The following MANBA variants were observed in gnomAD, a reference collection of about 807,000 sequenced individuals.
MANBA encodes beta-mannosidase.
A neutral mutation model predicts 111.1 loss-of-function variants in MANBA; 83 were observed. The ratio of observed to expected loss-of-function variants is 0.75; its 90% confidence interval spans 0.63 to 0.90. The LOEUF (loss-of-function observed/expected upper bound fraction) is 0.90, where lower values mean the gene tolerates loss of function less well. Ranked by LOEUF, MANBA falls within the 40% of genes least tolerant of loss-of-function variation. MANBA has a pLI of 0.00. For synonymous variants in MANBA, 370 were observed against 378.7 expected, an observed-to-expected ratio of 0.98 and a Z score of 0.27; for missense variants, 1,036 against 1,069.0, an observed-to-expected ratio of 0.97 and a Z score of 0.43.
chr4:102,760,782 A>T lies in MANBA; in HGVS notation c.113T>A (p.Leu38Gln), dbSNP rs1270503700. The T allele has an allele frequency of 6.4e-7, 1 of 1,552,324 alleles. No homozygotes were observed. The highest frequency in any genetic ancestry group is 2.0e-5 in the Admixed American group (1 of 51,258). ...GCCAGGGACCGCCCCGGGCAGCTCC[A>T]GCGAGCCGTTCCCATTGCAGATGCT... ...NWSICNGNGSLELPGAVPGCV... is the reference protein window; with the variant it reads ...NWSICNGNGSQELPGAVPGCV... Residue 38 changes from leucine (L) to glutamine (Q), a missense_variant, in exon 1 of 17, where the codon CTG becomes CAG. Coordinates refer to ENST00000647097, the MANE Select transcript of MANBA (RefSeq NM_005908.4).
intron 5 of MANBA, among the ~76,000 whole-genome samples, chr4:102,698,966 A>G (rs1200982864): frequency 1.3e-5 from 2 of 152,112 alleles, no homozygotes; most frequent in East Asian, 1.9e-4. Flanking sequence ...CATTTTCACA[A>G]TATTGATTCT....
At chr4:102,703,106 T>G (rs1338497751) in intron 5 of MANBA, among the ~76,000 whole-genome samples, 1 of 152,180 alleles carries the variant, frequency 6.6e-6, no homozygotes, top group Non-Finnish European at 1.5e-5. Flanking sequence ...AGATAGCTAC[T>G]GTTTGCATTA....
chr4:102,740,129 G>C (rs575283165), intron 1 of MANBA, among the ~76,000 whole-genome samples: 2 of 152,230 alleles, frequency 1.3e-5, no homozygotes, highest in East Asian at 3.9e-4. Flanking sequence ...CAAATCAGTA[G>C]CACTCCTATA....
chr4:102,730,187 G>C (rs971739046), intron 1 of MANBA: 14 of 803,212 alleles, frequency 1.7e-5, no homozygotes, highest in Middle Eastern at 2.4e-4. Context: ...AGGCAGGAGT[G>C]GGGGCAGGAA....
chr4:102,646,221 A>T (rs1033291630), intron 13 of MANBA, among the ~76,000 whole-genome samples: 5 of 152,120 alleles, frequency 3.3e-5, no homozygotes, highest in African/African-American at 4.8e-5. Flanking sequence ...TGATGCCTAT[A>T]CAAACTCCTA....
Position 102,726,584 on chromosome 4 carries a change from C to T in MANBA, c.272+5G>A. ...TAATAAAAATACACCCACAAACATA[C>T]ATACCTAATTTCAAAGGGGATTTTA... On this transcript the variant is annotated splice_donor_5th_base_variant and intron_variant, in intron 2 of 16. Transcript: ENST00000647097. 1 of 1,420,004 alleles carries T rather than the reference C, an allele frequency of 7.0e-7. No homozygotes were observed. Among genetic ancestry groups the T allele is most frequent in the Non-Finnish European group, 9.9e-7 (1 of 1,005,680 alleles). The allele number at this position is 1,420,004 out of a possible 1,614,324, so 88.0% of individuals were successfully genotyped here.
intron 1 of MANBA, among the ~76,000 whole-genome samples, chr4:102,756,966 A>G (rs1365498682): frequency 6.6e-6 from 1 of 152,224 alleles, no homozygotes; most frequent in Non-Finnish European, 1.5e-5. Context: ...GCCTCCCACA[A>G]AATAGGAACT....
intron 5 of MANBA, among the ~76,000 whole-genome samples, chr4:102,714,068 C>T (rs1169670566): frequency 3.3e-5 from 5 of 152,176 alleles, no homozygotes; most frequent in Admixed American, 1.3e-4. Context: ...GCCAGTCTAA[C>T]GGTGTGAGCA....
chr4:102,727,843 A>G lies in MANBA; in HGVS notation c.178-1160T>C, dbSNP rs532130036. On this transcript the variant is annotated intron_variant, in intron 1 of 16. Transcript: ENST00000647097. The stretch of plus-strand genomic sequence containing the variant: ...CTTCCGGAAAAGGATTTTCCTGAAG[A>G]CTCAGGTCTCCTAAAGATGAAAAAG... The G allele has an allele frequency of 4.0e-5, 24 of 605,268 alleles. No individual in the cohort carries two copies. In the African/African-American group the frequency reaches 4.2e-4, roughly 11 times the overall value. The allele number at this position is 605,268 out of a possible 1,614,324, so 37.5% of individuals were successfully genotyped here.
At chr4:102,718,939 G>C (rs1722457204) in intron 4 of MANBA, among the ~76,000 whole-genome samples, 3 of 152,160 alleles carry the variant, frequency 2.0e-5, no homozygotes, top group Admixed American at 2.0e-4. Context: ...ATGCTTCAAA[G>C]GGCAATAAAG....
At chr4:102,642,593 C>CG (rs35695902) in intron 13 of MANBA, among the ~76,000 whole-genome samples, 4,628 of 152,080 alleles carry the variant, frequency 0.03, 245 homozygotes, top group African/African-American at 0.11. Context: ...GACAACAGAG[C>CG]GAGACTCTGT....
intron 4 of MANBA, among the ~76,000 whole-genome samples, chr4:102,716,738 T>C (rs949771234): frequency 6.6e-6 from 1 of 152,208 alleles, no homozygotes; most frequent in Non-Finnish European, 1.5e-5. Context: ...GTTTGGGTCA[T>C]ACATTTTATG....
Position 102,690,668 on chromosome 4 carries a change from T to C in MANBA, c.777A>G (p.Gln259=). The C allele has an allele frequency of 6.2e-7, 1 of 1,612,222 alleles. No individual in the cohort carries two copies. The highest frequency in any genetic ancestry group is 8.5e-7 in the Non-Finnish European group (1 of 1,178,648). The change falls in exon 6 of 17, where the codon CAA becomes CAG. Residue 259 remains glutamine (Q), a synonymous_variant. Coordinates refer to ENST00000647097, the MANE Select transcript of MANBA (RefSeq NM_005908.4). ...GQVIVAIPKL[Q]TQQTYSIELQ... is the part of the protein sequence containing the mutation. Reference sequence around the variant, plus strand: ...GTTCAATGCTGTATGTCTGTTGTGTTTGCAACTTAGGGATGGCTACGATCA... The same window carrying C: ...GTTCAATGCTGTATGTCTGTTGTGTCTGCAACTTAGGGATGGCTACGATCA...
chr4:102,724,325 A>C (rs1722700834), intron 2 of MANBA, among the ~76,000 whole-genome samples: 1 of 152,252 alleles, frequency 6.6e-6, no homozygotes, highest in African/African-American at 2.4e-5. Flanking sequence ...TGGGAAGCCT[A>C]GGCAGGCAGA....
intron 5 of MANBA, among the ~76,000 whole-genome samples, chr4:102,693,454 G>GTC (rs1178777379): frequency 2.0e-5 from 3 of 152,180 alleles, no homozygotes; most frequent in East Asian, 1.9e-4. Context: ...ACAGATATCC[G>GTC]TCTCTCTCTC....
At chr4:102,678,915 T>C (rs1327416859) in intron 7 of MANBA, among the ~76,000 whole-genome samples, 1 of 152,218 alleles carries the variant, frequency 6.6e-6, no homozygotes, top group Non-Finnish European at 1.5e-5. Flanking sequence ...GCTGTTTGTA[T>C]CAGATACTTA....
At chr4:102,690,449 T>A in intron 6 of MANBA, 147 bp downstream of exon 6, 1 of 684,882 alleles carries the variant, frequency 1.5e-6, no homozygotes, top group Non-Finnish European at 2.5e-6. Context: ...ACAGAAAATA[T>A]ATGAGAGACT....
chr4:102,712,037 A>G (rs1342692258), intron 5 of MANBA, among the ~76,000 whole-genome samples: 2 of 152,250 alleles, frequency 1.3e-5, no homozygotes, highest in Non-Finnish European at 2.9e-5. Flanking sequence ...CATGTATGGT[A>G]TATTTCAAAA....
chr4:102,730,720 G>A (rs76331056), intron 1 of MANBA: 1 of 527,358 alleles, frequency 1.9e-6, no homozygotes, highest in Non-Finnish European at 3.8e-6. Context: ...ATTCCCTACA[G>A]ATAGATGCTT....
Sources: allele counts gnomAD v4.1 joint callset (sites outside exome capture counted in the v4.1 genomes callset), GRCh38; gene constraint gnomAD v4.1.1; transcripts MANE v1.5; gene names NCBI Gene and HGNC (gene_info 2026-07-23, HGNC 2026-07-21).